The following CTNNA2 variants were observed in gnomAD, a reference collection of about 807,000 sequenced individuals.
CTNNA2 encodes the protein catenin alpha-2.
Under a neutral mutation model 101.0 loss-of-function variants are expected in CTNNA2, and 42 were observed. The observed-to-expected ratio is 0.42, with a 90% confidence interval of 0.32 to 0.54. The LOEUF is 0.54. CTNNA2 is among the 20% of genes least tolerant of loss of function. The pLI is 0.14. For missense variants in CTNNA2, 871 were observed against 1,223.1 expected (o/e 0.71, Z 4.29); for synonymous variants, 450 against 456.4 (o/e 0.99, Z 0.18).
Position 80,154,381 on chromosome 2 carries a change from G to C in CTNNA2, c.1057-238830G>C, listed in dbSNP as rs527307350. ...AAAATGAGATGATGTTTTTTGAAGAGCTACTGCTACCGGGGAGATAGCTTA... is the reference window on the plus strand; with the variant it reads ...AAAATGAGATGATGTTTTTTGAAGACCTACTGCTACCGGGGAGATAGCTTA... On this transcript the variant is annotated intron_variant, in intron 7 of 18. Transcript: ENST00000402739. Among the ~76,000 whole-genome samples, 21 of 152,300 alleles carry C rather than the reference G, an allele frequency of 1.4e-4. No homozygotes were observed. In the South Asian group the frequency reaches 4.4e-3, roughly 32 times the overall value.
intron 7 of CTNNA2, among the ~76,000 whole-genome samples, chr2:80,270,300 A>G (rs1275364894): frequency 6.6e-6 from 1 of 152,018 alleles, no homozygotes; most frequent in African/African-American, 2.4e-5. Flanking sequence ...TTTTTTCCCA[A>G]TTTCTTTCCA....
In CTNNA2 at chr2:79,624,789, T is replaced by C. The variant is rs954816585; in HGVS notation, c.-5-26763T>C. On this transcript the variant is annotated intron_variant, in intron 1 of 18. Coordinates refer to ENST00000402739, the MANE Select transcript of CTNNA2 (RefSeq NM_001282597.3). ...AGATAGAAATAAAACATAATTAAGATCAGTTCTGGTGAGAAGTGTAGAGTA... is the reference window on the plus strand; with the variant it reads ...AGATAGAAATAAAACATAATTAAGACCAGTTCTGGTGAGAAGTGTAGAGTA... Among the ~76,000 whole-genome samples the C allele has an allele frequency of 2.0e-5, 3 of 152,130 alleles. No homozygotes were observed. In the South Asian group the frequency reaches 6.2e-4, roughly 31 times the overall value.
intron 9 of CTNNA2, among the ~76,000 whole-genome samples, chr2:80,420,165 C>T (rs1181302605): frequency 6.7e-6 from 1 of 149,910 alleles, no homozygotes; most frequent in African/African-American, 2.5e-5. Flanking sequence ...TTAGAGGAAT[C>T]TGTGGGAGTT....
intron 3 of CTNNA2, among the ~76,000 whole-genome samples, chr2:79,776,309 A>G (rs1314401411): frequency 6.6e-6 from 1 of 152,196 alleles, no homozygotes; most frequent in Non-Finnish European, 1.5e-5. Flanking sequence ...ATAATTAGAA[A>G]GGTACTATGT....
intron 3 of CTNNA2, among the ~76,000 whole-genome samples, chr2:79,750,913 C>T (rs1391219733): frequency 6.6e-6 from 1 of 151,016 alleles, no homozygotes; most frequent in Admixed American, 6.6e-5. Flanking sequence ...CTAGGAGAAA[C>T]AACTTGATAT....
chr2:80,619,346 C>A (rs1294033577), intron 18 of CTNNA2, 118 bp downstream of exon 18: 3 of 1,173,048 alleles, frequency 2.6e-6, no homozygotes, highest in African/African-American at 1.6e-5. Flanking sequence ...TTAATATTAA[C>A]CAACTTTGGG....
chr2:79,754,738 C>T (rs1450821827), intron 3 of CTNNA2, among the ~76,000 whole-genome samples: 2 of 152,148 alleles, frequency 1.3e-5, no homozygotes, highest in Non-Finnish European at 2.9e-5. Context: ...TGTGCGCTGA[C>T]TCTTCACTGC....
intron 3 of CTNNA2, among the ~76,000 whole-genome samples, chr2:79,807,173 T>C (rs1676645157): frequency 6.6e-6 from 1 of 152,196 alleles, no homozygotes. Context: ...TTTGGTTTGC[T>C]CATCCATTCT....
chr2:80,478,380 G>A (rs1343863078), intron 9 of CTNNA2, among the ~76,000 whole-genome samples: 3 of 151,980 alleles, frequency 2.0e-5, no homozygotes, highest in South Asian at 2.1e-4. Context: ...TTTGCTGTGC[G>A]GAAGCTTTTT....
intron 3 of CTNNA2, among the ~76,000 whole-genome samples, chr2:79,362,071 T>C (rs955986137): frequency 1.3e-5 from 2 of 152,204 alleles, no homozygotes; most frequent in Admixed American, 6.5e-5. Flanking sequence ...TGTAGAATGC[T>C]ATCATGGTGG....
chr2:80,479,161 T>C (rs897826049), intron 9 of CTNNA2, among the ~76,000 whole-genome samples: 1 of 152,154 alleles, frequency 6.6e-6, no homozygotes. Context: ...ATTAACAGTT[T>C]TTTTCCTCTG....
intron 2 of CTNNA2, among the ~76,000 whole-genome samples, chr2:79,663,065 A>G (rs1214470193): frequency 2.0e-5 from 3 of 152,028 alleles, no homozygotes; most frequent in African/African-American, 7.2e-5. Flanking sequence ...TGCTGACAGC[A>G]CTCAAATTTG....
chr2:79,778,016 T>C (rs1674121531), intron 3 of CTNNA2, among the ~76,000 whole-genome samples: 1 of 151,810 alleles, frequency 6.6e-6, no homozygotes, highest in South Asian at 2.1e-4. Context: ...TAGTTGTGCC[T>C]CATCCTTCCT....
rs192929659 is a variant in CTNNA2 at position 79,992,670 on chromosome 2, G to A, written c.1056+82873G>A. On this transcript the variant is annotated intron_variant, in intron 7 of 18. Transcript: ENST00000402739. ...AGGTGGTAGTAGTTGTCGAAATTTT[G>A]CTTTATTTGTATAAATGTAATATTT... Among the ~76,000 whole-genome samples, 301 of 152,198 alleles carry A rather than the reference G, an allele frequency of 2.0e-3. 1 individual carries two copies. The highest frequency in any genetic ancestry group is 3.4e-3 in the Admixed American group (52 of 15,282).
At chr2:80,521,513 T>C (rs1689546133) in intron 9 of CTNNA2, among the ~76,000 whole-genome samples, 1 of 152,188 alleles carries the variant, frequency 6.6e-6, no homozygotes, top group East Asian at 1.9e-4. Context: ...GGTCAGGACA[T>C]GAGCCTGGAT....
At chr2:79,474,172 A>G (rs1426026765) in intron 4 of CTNNA2, among the ~76,000 whole-genome samples, 5 of 152,206 alleles carry the variant, frequency 3.3e-5, no homozygotes, top group African/African-American at 9.6e-5. Context: ...AGGAAGAAGT[A>G]GAAAATATAA....
intron 4 of CTNNA2, among the ~76,000 whole-genome samples, chr2:79,465,573 A>T (rs1670924939): frequency 6.6e-6 from 1 of 152,216 alleles, no homozygotes; most frequent in Admixed American, 6.5e-5. Context: ...TACCTTGGGC[A>T]GTATGGCCAT....
chr2:80,523,659 A>G (rs1188103261), intron 9 of CTNNA2, among the ~76,000 whole-genome samples: 2 of 152,154 alleles, frequency 1.3e-5, no homozygotes, highest in African/African-American at 4.8e-5. Flanking sequence ...GTACATGGAC[A>G]TGCAGCCAGC....
At chr2:79,458,350 A>G (rs892659474) in intron 4 of CTNNA2, among the ~76,000 whole-genome samples, 1 of 152,192 alleles carries the variant, frequency 6.6e-6, no homozygotes, top group African/African-American at 2.4e-5. Context: ...GAAAAGAAAT[A>G]TAATTCCCTG....
Sources: gnomAD v4.1 joint callset for allele counts (sites outside exome capture counted in the v4.1 genomes callset) on GRCh38, gnomAD v4.1.1 for gene constraint, MANE v1.5 for transcripts, NCBI Gene and HGNC (gene_info 2026-07-23, HGNC 2026-07-21) for gene names.